Variants in CRB1 observed in about 807,000 individuals in gnomAD.
CRB1 encodes protein crumbs homolog 1.
CRB1 carries 83 observed loss-of-function variants against 120.0 expected under a neutral mutation model. The observed-to-expected ratio is 0.69, with a 90% confidence interval of 0.58 to 0.83. CRB1 has a LOEUF of 0.83. Ranked by LOEUF, CRB1 falls within the 40% of genes least tolerant of loss-of-function variation. CRB1 has a pLI of 0.00. For synonymous variants in CRB1, 625 were observed against 612.5 expected, an observed-to-expected ratio of 1.02 and a Z score of -0.30; for missense variants, 1,699 against 1,687.6, an observed-to-expected ratio of 1.01 and a Z score of -0.12.
In CRB1 at chr1:197,369,625, C is replaced by T. The variant is rs575204087; in HGVS notation, c.1171+12612C>T. 2.0e-5 allele frequency among the ~76,000 whole-genome samples: 3 copies of T among 152,254 alleles called. No individual in the cohort carries two copies. In the South Asian group the frequency reaches 6.2e-4, roughly 32 times the overall value. The stretch of plus-strand genomic sequence containing the variant: ...GATTACAACTTTCCCTAAAGTACAT[C>T]AGGAACAATACCACTATGACTTATA... On this transcript the variant is annotated intron_variant, in intron 5 of 11. Coordinates refer to ENST00000367400, the MANE Select transcript of CRB1 (RefSeq NM_201253.3).
At chr1:197,423,239 G>C (rs891845677) in intron 6 of CRB1, among the ~76,000 whole-genome samples, 5 of 152,120 alleles carry the variant, frequency 3.3e-5, no homozygotes, top group Non-Finnish European at 5.9e-5. Context: ...GATGTTAACT[G>C]TCCTAGTAAA....
At chr1:197,362,520 A>G (rs1660824922) in intron 5 of CRB1, among the ~76,000 whole-genome samples, 1 of 152,074 alleles carries the variant, frequency 6.6e-6, no homozygotes, top group South Asian at 2.1e-4. Flanking sequence ...TTTCAGTTCT[A>G]TCAATTTTTC....
At chr1:197,374,327 G>A (rs1343198964) in intron 5 of CRB1, among the ~76,000 whole-genome samples, 11 of 152,126 alleles carry the variant, frequency 7.2e-5, no homozygotes, top group African/African-American at 2.2e-4. Flanking sequence ...GGGAGTGGAC[G>A]TGGGAAAAGG....
chr1:197,305,348 C>G (rs993551793), intron 1 of CRB1, among the ~76,000 whole-genome samples: 3 of 152,000 alleles, frequency 2.0e-5, no homozygotes, highest in Non-Finnish European at 2.9e-5. Context: ...AATGAATCAA[C>G]AGCTTATATT....
At chr1:197,380,439 A>C (rs1001523930) in intron 5 of CRB1, among the ~76,000 whole-genome samples, 1 of 152,200 alleles carries the variant, frequency 6.6e-6, no homozygotes, top group African/African-American at 2.4e-5. Context: ...CATTCACTTA[A>C]GAAGAATCTA....
Position 197,344,391 on chromosome 1 carries a change from C to T in CRB1, c.763C>T (p.Leu255=), listed in dbSNP as rs1659649148. ...TTTCTGCGACTGTGCCCCTGGATTCCTGGGGGATCACTGTGAACTCAACAC... is the reference window on the plus strand; with the variant it reads ...TTTCTGCGACTGTGCCCCTGGATTCTTGGGGGATCACTGTGAACTCAACAC... ...AYFCDCAPGF[L]GDHCELNTDE... The change falls in exon 3 of 12, where the codon CTG becomes TTG. Residue 255 remains leucine, a synonymous_variant. Coordinates refer to ENST00000367400, the MANE Select transcript of CRB1 (RefSeq NM_201253.3). 3 of 1,613,962 alleles carry T rather than the reference C, an allele frequency of 1.9e-6. No individual in the cohort carries two copies. The highest frequency in any genetic ancestry group is 2.7e-5 in the African/African-American group (2 of 74,886).
intron 11 of CRB1, chr1:197,447,613 A>G (rs1665762554): frequency 6.6e-6 from 1 of 152,140 alleles, no homozygotes; most frequent in Non-Finnish European, 1.5e-5. Context: ...AGGCCTATGC[A>G]GTAAGATCAC....
chr1:197,280,073 T>C (rs1655435757), intron 1 of CRB1, among the ~76,000 whole-genome samples: 1 of 151,866 alleles, frequency 6.6e-6, no homozygotes, highest in Non-Finnish European at 1.5e-5. Context: ...ATACTTAAAT[T>C]ATTTTTTAAT....
At chr1:197,466,888 A>G (rs1228240540) in intron 11 of CRB1, among the ~76,000 whole-genome samples, 1 of 152,240 alleles carries the variant, frequency 6.6e-6, no homozygotes, top group African/African-American at 2.4e-5. Context: ...AGTCGATCAT[A>G]AGAAAGTCCA....
Position 197,347,196 on chromosome 1 carries a change from C to T in CRB1, c.849-144C>T, listed in dbSNP as rs1226518754. The T allele has an allele frequency of 1.2e-5, 9 of 757,882 alleles. No individual in the cohort carries two copies. The South Asian group carries it at 1.3e-4, about 11-fold the overall frequency. 46.9% of individuals were successfully genotyped at this position (757,882 alleles called of 1,614,324 possible). A position where few individuals can be genotyped will look rare whatever the true frequency, so the allele number is the denominator to read the frequency against. On this transcript the variant is annotated intron_variant, in intron 3 of 11. Transcript: ENST00000367400. ...TATGGAAATAAATCATGCATTCAGT[C>T]CTGTATAGATAATTCCCCAGAGTTT...
chr1:197,411,791 T>A (rs1411821791), intron 5 of CRB1, among the ~76,000 whole-genome samples: 1 of 152,238 alleles, frequency 6.6e-6, no homozygotes, highest in Non-Finnish European at 1.5e-5. Flanking sequence ...TAGTTTAAGT[T>A]CAAGGGTACA....
intron 7 of CRB1, chr1:197,429,113 G>A (rs1664745403): frequency 4.6e-6 from 7 of 1,529,342 alleles, no homozygotes; most frequent in Non-Finnish European, 6.1e-6. Flanking sequence ...CCAGGAGTAA[G>A]AATCCCTTCC....
At chr1:197,467,361 C>T (rs1666794788) in intron 11 of CRB1, among the ~76,000 whole-genome samples, 1 of 151,838 alleles carries the variant, frequency 6.6e-6, no homozygotes, top group African/African-American at 2.4e-5. Flanking sequence ...AAGTAGATTG[C>T]AGATGTCATG....
At position 197,428,088 on chromosome 1, in the gene CRB1, T is replaced by C. The variant is rs1664692922; in HGVS notation, c.2676+87T>C. ...GATAACTTATTAAAACCATTCTTTGTATATAAAGATGATGTTACTGACCCA... is the reference window on the plus strand; with the variant it reads ...GATAACTTATTAAAACCATTCTTTGCATATAAAGATGATGTTACTGACCCA... On this transcript the variant is annotated intron_variant, in intron 7 of 11. Coordinates refer to ENST00000367400, the MANE Select transcript of CRB1 (RefSeq NM_201253.3). 4.9e-6 allele frequency: 6 copies of C among 1,227,100 alleles called. No homozygotes were observed. The South Asian group carries it at 5.1e-5, about 10-fold the overall frequency. 76.0% of individuals were successfully genotyped at this position (1,227,100 alleles called of 1,614,324 possible).
Position 197,380,412 on chromosome 1 carries a change from G to A in CRB1, c.1171+23399G>A, listed in dbSNP as rs986304278. Among the ~76,000 whole-genome samples the A allele has an allele frequency of 2.6e-5, 4 of 152,010 alleles. No homozygotes were observed. In the South Asian group the frequency reaches 8.3e-4, roughly 32 times the overall value. On this transcript the variant is annotated intron_variant, in intron 5 of 11. Coordinates refer to ENST00000367400, the MANE Select transcript of CRB1 (RefSeq NM_201253.3). ...CTACTTTCATAATATTGCTTGAAGC[G>A]GCCATCCAGCTGTGGTCATTCACTT... is the stretch of plus-strand genomic sequence containing the variant.
chr1:197,322,884 T>C (rs1221579233), intron 1 of CRB1, among the ~76,000 whole-genome samples: 1 of 152,176 alleles, frequency 6.6e-6, no homozygotes, highest in Non-Finnish European at 1.5e-5. Flanking sequence ...AATAAATATT[T>C]TACAGTCTGG....
the CRB1 span, among the ~76,000 whole-genome samples, chr1:197,232,505 G>A: frequency 7.5e-4 from 114 of 152,262 alleles, 2 homozygotes; most frequent in East Asian, 0.022. Context: ...ATGATGACCA[G>A]AACATGGTGT....
chr1:197,312,437 G>T (rs1376492138), intron 1 of CRB1, among the ~76,000 whole-genome samples: 1 of 152,090 alleles, frequency 6.6e-6, no homozygotes, highest in African/African-American at 2.4e-5. Context: ...AAACAAAAAA[G>T]CTGGGCGTGG....
At chr1:197,259,755 A>G in the CRB1 span, among the ~76,000 whole-genome samples, 2 of 152,212 alleles carry the variant, frequency 1.3e-5, no homozygotes, top group Non-Finnish European at 2.9e-5. Context: ...AATAAATGCA[A>G]TCCCCATTAT....
Sources: allele counts gnomAD v4.1 joint callset (sites outside exome capture counted in the v4.1 genomes callset), GRCh38; gene constraint gnomAD v4.1.1; transcripts MANE v1.5; gene names NCBI Gene and HGNC (gene_info 2026-07-23, HGNC 2026-07-21).